ZEB2: variants seen among roughly 807,000 people sequenced by gnomAD.
The protein encoded by ZEB2 is zinc finger E-box-binding homeobox 2.
In ZEB2, 6 loss-of-function variants were observed where a neutral mutation model predicts 99.9. The observed-to-expected ratio is 0.06, with a 90% CI of 0.03 to 0.12. The LOEUF is 0.12. Among genes scored for constraint, ZEB2 ranks in the 10% least tolerant of loss-of-function variants. The probability of loss-of-function intolerance (pLI) is 1.00; values close to 1 mark genes in which losing one functional copy is unlikely to be tolerated. For missense variants in ZEB2, 969 were observed against 1,502.8 expected, an observed-to-expected ratio of 0.64 and a Z score of 5.87; for synonymous variants, 517 against 542.5, an observed-to-expected ratio of 0.95 and a Z score of 0.65.
chr2:144,421,797 G>C (rs193080487), intron 4 of ZEB2, among the ~76,000 whole-genome samples: 81 of 151,866 alleles, frequency 5.3e-4, no homozygotes, highest in Admixed American at 1.4e-3. Flanking sequence ...AACATGATCT[G>C]AGTATATTTG....
rs560119988 is a variant in ZEB2, at chr2:144,443,687, A to G, written c.74-13661T>C. ...ATTATATTTTTCTCTTTAATACAAT[A>G]CCTAATTAAAATCATGAAACACCAC... On this transcript the variant is annotated intron_variant, in intron 2 of 9. Transcript: ENST00000627532. 3.9e-5 allele frequency among the ~76,000 whole-genome samples: 6 copies of G among 152,290 alleles called. No homozygotes were observed. The East Asian group carries it at 1.2e-3, about 29-fold the overall frequency.
At position 144,411,682 on chromosome 2, in the gene ZEB2, A is replaced by C. The variant is rs184611494; in HGVS notation, c.404-6658T>G. Among the ~76,000 whole-genome samples, 683 of 152,332 alleles carry C rather than the reference A, an allele frequency of 4.5e-3. 3 individuals carry two copies. Among genetic ancestry groups the C allele is most frequent in the Non-Finnish European group, 7.8e-3 (531 of 68,028 alleles). On this transcript the variant is annotated intron_variant, in intron 4 of 9. Coordinates refer to ENST00000627532, the MANE Select transcript of ZEB2 (RefSeq NM_014795.4). ...AAGTTTTCTGCTCTTCCTGGGAATT[A>C]GTACAGCATCTTGGCCGCTCTCTCC...
At chr2:144,453,828 T>C (rs541987813) in intron 2 of ZEB2, among the ~76,000 whole-genome samples, 34 of 152,346 alleles carry the variant, frequency 2.2e-4, no homozygotes, top group African/African-American at 8.2e-4. Flanking sequence ...AGAACTATTC[T>C]TTTTAATAGC....
intron 2 of ZEB2, among the ~76,000 whole-genome samples, chr2:144,453,852 G>A (rs754948662): frequency 1.1e-4 from 16 of 151,848 alleles, no homozygotes; most frequent in Non-Finnish European, 1.8e-4. Context: ...TGAGAGAGAG[G>A]TCCAAAGGTA....
chr2:144,467,631 T>C (rs191740118), intron 2 of ZEB2, among the ~76,000 whole-genome samples: 1 of 152,308 alleles, frequency 6.6e-6, no homozygotes, highest in East Asian at 1.9e-4. Context: ...CCTTCATTCA[T>C]CCACTTCTGC....
intron 1 of ZEB2, chr2:144,518,269 T>C (rs1705201843): frequency 6.6e-6 from 1 of 152,116 alleles, no homozygotes. Flanking sequence ...GATCGTATCC[T>C]TTCTGGCTTC....
At position 144,512,323 on chromosome 2, in the gene ZEB2, T is replaced by A. The variant is rs867192722; in HGVS notation, c.73+4955A>T. 8.5e-6 allele frequency: 11 copies of A among 1,287,214 alleles called. 1 individual carries two copies. In the African/African-American group the frequency reaches 1.1e-4, roughly 12 times the overall value. 79.7% of individuals were successfully genotyped at this position (1,287,214 alleles called of 1,614,324 possible). A position where few individuals can be genotyped will look rare whatever the true frequency, so the allele number is the denominator to read the frequency against. On this transcript the variant is annotated intron_variant, in intron 2 of 9. Transcript: ENST00000627532. ...TTGGAAGAATGCAGATGACAAAAAC[T>A]GTTGCAAGGAAAAGAATCTCCCACA... is the stretch of plus-strand genomic sequence containing the variant.
intron 2 of ZEB2, chr2:144,464,159 G>A (rs1388046361): frequency 6.6e-6 from 1 of 152,138 alleles, no homozygotes; most frequent in Non-Finnish European, 1.5e-5. Flanking sequence ...AATCATGTTT[G>A]CCTTACCTCT....
chr2:144,500,651 C>A (rs1485470525), intron 2 of ZEB2, among the ~76,000 whole-genome samples: 2 of 152,116 alleles, frequency 1.3e-5, no homozygotes, highest in African/African-American at 4.8e-5. Context: ...AAATGATAAT[C>A]AAAACAATGG....
chr2:144,503,994 C>T (rs1234771047), intron 2 of ZEB2: 2 of 145,200 alleles, frequency 1.4e-5, no homozygotes, highest in African/African-American at 5.1e-5. Context: ...TCTCTGTGAA[C>T]ATTTAATCTA....
chr2:144,471,175 AT>A (rs1195330263), intron 2 of ZEB2, among the ~76,000 whole-genome samples: 1 of 152,178 alleles, frequency 6.6e-6, no homozygotes, highest in Non-Finnish European at 1.5e-5. Context: ...GAAGAAGAAT[AT>A]TTAGCGACAG....
chr2:144,451,376 T>C (rs563553412), intron 2 of ZEB2, among the ~76,000 whole-genome samples: 15 of 152,354 alleles, frequency 9.8e-5, no homozygotes, highest in Admixed American at 5.2e-4. Flanking sequence ...TAAATGAATT[T>C]GTGCTTAGGA....
intron 2 of ZEB2, among the ~76,000 whole-genome samples, chr2:144,507,103 T>C (rs1427844420): frequency 6.6e-6 from 1 of 152,224 alleles, no homozygotes; most frequent in Admixed American, 6.5e-5. Flanking sequence ...ACCAGTTCTG[T>C]GTTTACTGTT....
chr2:144,512,988 T>C, intron 2 of ZEB2: 6 of 1,287,230 alleles, frequency 4.7e-6, no homozygotes, highest in Non-Finnish European at 6.1e-6. Context: ...ATTTCCACAC[T>C]TTGCAAAGAT....
intron 2 of ZEB2, among the ~76,000 whole-genome samples, chr2:144,431,745 CT>C (rs34246797): frequency 2.1e-5 from 3 of 142,700 alleles, no homozygotes; most frequent in African/African-American, 7.7e-5. Flanking sequence ...TAATGTGCTT[CT>C]TTTTTTTTTT....
intron 2 of ZEB2, chr2:144,444,926 G>A (rs1366316429): frequency 6.6e-6 from 1 of 152,128 alleles, no homozygotes; most frequent in Non-Finnish European, 1.5e-5. Flanking sequence ...AATAGCCTCA[G>A]AAAAGTAGCC....
At chr2:144,467,261 TAAA>T (rs1361083410) in intron 2 of ZEB2, among the ~76,000 whole-genome samples, 1 of 152,128 alleles carries the variant, frequency 6.6e-6, no homozygotes, top group Non-Finnish European at 1.5e-5. Flanking sequence ...TTTTTCCTCT[TAAA>T]GAAGGTAAAT....
chr2:144,439,923 T>C (rs975571924), intron 2 of ZEB2, among the ~76,000 whole-genome samples: 2 of 152,208 alleles, frequency 1.3e-5, no homozygotes, highest in African/African-American at 4.8e-5. Context: ...CACCAGAACT[T>C]TGAAATGCTG....
In ZEB2 at chr2:144,386,617, T is replaced by A. The variant is rs1430573564; in HGVS notation, c.*2834A>T. 6.6e-6 allele frequency: 1 copy of A among 152,176 alleles called. No homozygotes were observed. Among genetic ancestry groups the A allele is most frequent in the African/African-American group, 2.4e-5 (1 of 41,452 alleles). The allele number at this position is 152,176 out of a possible 1,614,324, so 9.4% of individuals were successfully genotyped here. A position where few individuals can be genotyped will look rare whatever the true frequency, so the allele number is the denominator to read the frequency against. ...AAAGAGTTAGGTTGCACATTCATTG[T>A]TTGTTGGTCCTATCTCTTGTGGATT... On this transcript the variant is annotated 3_prime_UTR_variant, in exon 10 of 10. Coordinates refer to ENST00000627532, the MANE Select transcript of ZEB2 (RefSeq NM_014795.4).
Sources: gnomAD v4.1 joint callset for allele counts (sites outside exome capture counted in the v4.1 genomes callset) on GRCh38, gnomAD v4.1.1 for gene constraint, MANE v1.5 for transcripts, NCBI Gene and HGNC (gene_info 2026-07-23, HGNC 2026-07-21) for gene names.